SCFD1: variants seen among roughly 807,000 people sequenced by gnomAD.
The protein encoded by SCFD1 is sec1 family domain containing 1.
In SCFD1, 37 loss-of-function variants were observed where a neutral mutation model predicts 103.2. The observed-to-expected ratio is 0.36, with a 90% CI of 0.28 to 0.47. The LOEUF is 0.47. Ranked by LOEUF, SCFD1 falls within the 20% of genes least tolerant of loss-of-function variation. SCFD1 has a pLI of 1.00. For missense variants in SCFD1, 639 were observed against 761.2 expected, an observed-to-expected ratio of 0.84 and a Z score of 1.89; for synonymous variants, 264 against 245.0, an observed-to-expected ratio of 1.08 and a Z score of -0.73.
chr14:30,716,021 C>T (rs770509040), intron 20 of SCFD1, 44 bp downstream of exon 20: 4 of 1,048,014 alleles, frequency 3.8e-6, no homozygotes, highest in Non-Finnish European at 5.9e-6. Context: ...CCGAATGTGT[C>T]AAACTGACTA....
intron 14 of SCFD1, among the ~76,000 whole-genome samples, chr14:30,691,820 T>C (rs1890324709): frequency 6.6e-6 from 1 of 152,126 alleles, no homozygotes; most frequent in African/African-American, 2.4e-5. Context: ...AGTTACTACA[T>C]CAAAAAGAGC....
intron 23 of SCFD1, among the ~76,000 whole-genome samples, chr14:30,730,939 G>A (rs1298539794): frequency 6.6e-6 from 1 of 152,024 alleles, no homozygotes; most frequent in Non-Finnish European, 1.5e-5. Flanking sequence ...TCTATGTCCT[G>A]AATGGTATTG....
chr14:30,708,485 A>G (rs531808377), intron 19 of SCFD1, among the ~76,000 whole-genome samples: 1 of 152,038 alleles, frequency 6.6e-6, no homozygotes, highest in African/African-American at 2.4e-5. Flanking sequence ...CTCTGAGGGT[A>G]TTTTTTACAT....
At chr14:30,678,897 C>G (rs992781719) in intron 14 of SCFD1, among the ~76,000 whole-genome samples, 1 of 152,314 alleles carries the variant, frequency 6.6e-6, no homozygotes, top group Admixed American at 6.5e-5. Flanking sequence ...CTTATAGGGA[C>G]TGAATTAGAT....
At chr14:30,731,525 C>T (rs1359500830) in intron 23 of SCFD1, among the ~76,000 whole-genome samples, 3 of 152,120 alleles carry the variant, frequency 2.0e-5, no homozygotes, top group Non-Finnish European at 4.4e-5. Context: ...TCTTTTACTT[C>T]GTTGAGCAGT....
chr14:30,637,169 A>G lies in SCFD1; in HGVS notation c.313-956A>G, dbSNP rs1000495761. The stretch of plus-strand genomic sequence containing the variant: ...ATTATGTATTTATACATACACTTTT[A>G]TATCTGTATTTATTTCTACAATTCT... On this transcript the variant is annotated intron_variant, in intron 4 of 24. Transcript: ENST00000458591. 4.6e-5 allele frequency among the ~76,000 whole-genome samples: 7 copies of G among 152,038 alleles called. No individual in the cohort carries two copies. The South Asian group carries it at 1.4e-3, about 31-fold the overall frequency.
intron 1 of SCFD1, among the ~76,000 whole-genome samples, chr14:30,627,882 C>T (rs1434514174): frequency 6.8e-6 from 1 of 147,726 alleles, no homozygotes. Context: ...AAAGACTTAC[C>T]TTAATCTATG....
At chr14:30,713,618 CAG>C (rs1488140262) in intron 19 of SCFD1, among the ~76,000 whole-genome samples, 1 of 152,120 alleles carries the variant, frequency 6.6e-6, no homozygotes, top group African/African-American at 2.4e-5. Flanking sequence ...TATGAATATT[CAG>C]ACTTCCAATT....
chr14:30,642,301 T>C (rs2139057358), intron 6 of SCFD1, among the ~76,000 whole-genome samples: 1 of 152,306 alleles, frequency 6.6e-6, no homozygotes, highest in East Asian at 1.9e-4. Flanking sequence ...TTAGCCAGGC[T>C]AGTAGTCTCA....
intron 11 of SCFD1, among the ~76,000 whole-genome samples, chr14:30,672,814 T>G (rs1348145778): frequency 6.6e-6 from 1 of 152,198 alleles, no homozygotes; most frequent in Admixed American, 6.5e-5. Context: ...CACAGTTACT[T>G]GCAGGTGATA....
chr14:30,642,878 A>C (rs1442131042), intron 6 of SCFD1, among the ~76,000 whole-genome samples: 3 of 152,192 alleles, frequency 2.0e-5, no homozygotes, highest in Non-Finnish European at 2.9e-5. Flanking sequence ...CATTTAAAAG[A>C]AGTTTAAAGC....
intron 2 of SCFD1, among the ~76,000 whole-genome samples, chr14:30,629,577 ATTTTTTT>A (rs571309645): frequency 1.6e-3 from 220 of 135,566 alleles, no homozygotes; most frequent in Non-Finnish European, 2.2e-3. Context: ...TAGGGACTTA[ATTTTTTT>A]TTTTTTTTTT....
At chr14:30,637,331 T>A (rs985414002) in intron 4 of SCFD1, among the ~76,000 whole-genome samples, 7 of 152,050 alleles carry the variant, frequency 4.6e-5, no homozygotes, top group African/African-American at 1.7e-4. Flanking sequence ...AAAAACATGG[T>A]TCCCAGTATC....
chr14:30,661,600 T>G (rs1460556232), intron 10 of SCFD1, among the ~76,000 whole-genome samples: 20 of 152,120 alleles, frequency 1.3e-4, no homozygotes, highest in Admixed American at 1.3e-3. Context: ...AGGAAATTGT[T>G]TATTGGTTGT....
chr14:30,681,475 C>A (rs1451814346), intron 14 of SCFD1, among the ~76,000 whole-genome samples: 2 of 151,736 alleles, frequency 1.3e-5, no homozygotes, highest in Admixed American at 1.3e-4. Flanking sequence ...TAGCATAAGT[C>A]AATACATAGG....
At chr14:30,676,857 T>C (rs1455435524) in intron 14 of SCFD1, among the ~76,000 whole-genome samples, 1 of 152,234 alleles carries the variant, frequency 6.6e-6, no homozygotes, top group Non-Finnish European at 1.5e-5. Flanking sequence ...TATAGATGTG[T>C]AGGTGAAAAA....
chr14:30,622,579 T>A, intron 1 of SCFD1, 180 bp downstream of exon 1: 1 of 1,096,882 alleles, frequency 9.1e-7, no homozygotes, highest in Non-Finnish European at 1.2e-6. Flanking sequence ...ACTCGGTTCC[T>A]CCTGTGGTGC....
chr14:30,653,027 A>G (rs73251179), intron 9 of SCFD1, among the ~76,000 whole-genome samples: 2,529 of 152,124 alleles, frequency 0.017, 91 homozygotes, highest in African/African-American at 0.057. Flanking sequence ...TCCTAAGTAA[A>G]ATTTATAATC....
intron 18 of SCFD1, 42 bp downstream of exon 18, chr14:30,705,927 A>G (rs1174393779): frequency 8.0e-6 from 12 of 1,498,614 alleles, no homozygotes; most frequent in Non-Finnish European, 1.1e-5. Flanking sequence ...TGTACTCAAA[A>G]CCTTACTTAG....
Sources: gnomAD v4.1 joint callset for allele counts (sites outside exome capture counted in the v4.1 genomes callset) on GRCh38, gnomAD v4.1.1 for gene constraint, MANE v1.5 for transcripts, NCBI Gene and HGNC (gene_info 2026-07-23, HGNC 2026-07-21) for gene names.